PRIM2: variants seen among roughly 807,000 people sequenced by gnomAD.
PRIM2 encodes DNA primase large subunit.
A neutral mutation model predicts 67.3 loss-of-function variants in PRIM2; 39 were observed. That is an observed-to-expected ratio of 0.58 (90% confidence interval 0.45 to 0.76). The LOEUF (loss-of-function observed/expected upper bound fraction) is 0.76, where lower values mean the gene tolerates loss of function less well. Ranked by LOEUF, PRIM2 falls within the 30% of genes least tolerant of loss-of-function variation. PRIM2 has a pLI of 0.00. For synonymous variants in PRIM2, 143 were observed against 198.7 expected, an observed-to-expected ratio of 0.72 and a Z score of 2.36; for missense variants, 398 against 598.7, an observed-to-expected ratio of 0.66 and a Z score of 3.50.
intron 10 of PRIM2, among the ~76,000 whole-genome samples, chr6:57,543,546 C>A (rs1775222171): frequency 2.0e-5 from 3 of 152,176 alleles, no homozygotes; most frequent in Admixed American, 1.3e-4. Flanking sequence ...TTAGCCAGTA[C>A]TTTTGAGTCA....
At chr6:57,390,533 C>T (rs2127346837) in intron 7 of PRIM2, among the ~76,000 whole-genome samples, 1 of 152,178 alleles carries the variant, frequency 6.6e-6, no homozygotes, top group African/African-American at 2.4e-5. Context: ...TGCTCCTCTC[C>T]TTCCTCCCAA....
At chr6:57,278,136 G>A in the PRIM2 span, among the ~76,000 whole-genome samples, 2 of 151,812 alleles carry the variant, frequency 1.3e-5, no homozygotes, top group African/African-American at 4.8e-5. Flanking sequence ...AGACCATCCT[G>A]GCCAACATGG....
the PRIM2 span, among the ~76,000 whole-genome samples, chr6:57,233,552 C>T: frequency 2.6e-5 from 4 of 152,052 alleles, no homozygotes; most frequent in Non-Finnish European, 5.9e-5. Context: ...CTGTTCCACT[C>T]CTAGGGGTAA....
At chr6:57,578,388 A>G (rs1776001094) in intron 10 of PRIM2, among the ~76,000 whole-genome samples, 2 of 152,100 alleles carry the variant, frequency 1.3e-5, no homozygotes, top group Admixed American at 6.5e-5. Context: ...CTTGCCTGCA[A>G]GTATCATCAC....
chr6:57,582,388 C>G (rs1479106820), intron 10 of PRIM2, among the ~76,000 whole-genome samples: 1 of 152,102 alleles, frequency 6.6e-6, no homozygotes, highest in African/African-American at 2.4e-5. Flanking sequence ...AGTTCCTTGT[C>G]GTGTCCTCAA....
At chr6:57,515,683 C>T (rs1774472888) in intron 8 of PRIM2, among the ~76,000 whole-genome samples, 1 of 152,148 alleles carries the variant, frequency 6.6e-6, no homozygotes, top group African/African-American at 2.4e-5. Flanking sequence ...TATACATTCC[C>T]TGATATTTAG....
At chr6:57,485,070 G>C (rs1773723579) in intron 7 of PRIM2, among the ~76,000 whole-genome samples, 3 of 152,228 alleles carry the variant, frequency 2.0e-5, no homozygotes, top group African/African-American at 4.8e-5. Context: ...AGTTACGATG[G>C]AGCCATTATT....
intron 8 of PRIM2, among the ~76,000 whole-genome samples, chr6:57,530,569 A>G (rs1774865297): frequency 6.6e-6 from 1 of 152,124 alleles, no homozygotes; most frequent in Non-Finnish European, 1.5e-5. Flanking sequence ...AATTGCCTTC[A>G]CTCAATAATC....
chr6:57,579,024 T>G (rs1483022565), intron 10 of PRIM2, among the ~76,000 whole-genome samples: 2 of 152,170 alleles, frequency 1.3e-5, no homozygotes, highest in Admixed American at 1.3e-4. Flanking sequence ...CACAAGATGC[T>G]TCAGACTCAT....
chr6:57,374,583 C>T (rs1200924611), intron 5 of PRIM2, among the ~76,000 whole-genome samples: 10 of 147,984 alleles, frequency 6.8e-5, no homozygotes, highest in East Asian at 2.1e-4. Context: ...TGAGCCACCG[C>T]GCCCGGCCTT....
At chr6:57,642,439 T>A in intron 13 of PRIM2, among the ~76,000 whole-genome samples, 1 of 95,322 alleles carries the variant, frequency 1.0e-5, no homozygotes, top group Non-Finnish European at 2.3e-5. Flanking sequence ...TTATATCTTT[T>A]TTTTTTTTTT....
chr6:57,279,358 C>G, the PRIM2 span, among the ~76,000 whole-genome samples: 4 of 152,142 alleles, frequency 2.6e-5, no homozygotes, highest in African/African-American at 9.7e-5. Flanking sequence ...TTTCAATTCT[C>G]ATATGGAGTA....
At chr6:57,425,140 A>T (rs1406007266) in intron 7 of PRIM2, among the ~76,000 whole-genome samples, 2 of 152,182 alleles carry the variant, frequency 1.3e-5, no homozygotes, top group Non-Finnish European at 2.9e-5. Flanking sequence ...AGTTTTTATT[A>T]TGCAGCGTGT....
the PRIM2 span, among the ~76,000 whole-genome samples, chr6:57,263,201 C>T: frequency 1.1e-4 from 16 of 152,130 alleles, no homozygotes; most frequent in African/African-American, 2.7e-4. Flanking sequence ...GGCCCTAATC[C>T]CAGTAGGATG....
chr6:57,451,638 G>A (rs1772553955), intron 7 of PRIM2, among the ~76,000 whole-genome samples: 1 of 152,134 alleles, frequency 6.6e-6, no homozygotes, highest in Admixed American at 6.5e-5. Flanking sequence ...CCCGAAAGCT[G>A]TAGCAGTGAA....
At chr6:57,270,693 C>G in the PRIM2 span, among the ~76,000 whole-genome samples, 1 of 152,180 alleles carries the variant, frequency 6.6e-6, no homozygotes, top group African/African-American at 2.4e-5. Context: ...AGAGGGCATC[C>G]CTGTCTTGTG....
intron 8 of PRIM2, among the ~76,000 whole-genome samples, chr6:57,519,018 A>G (rs1182865197): frequency 6.6e-6 from 1 of 152,208 alleles, no homozygotes; most frequent in Admixed American, 6.5e-5. Flanking sequence ...GGGAGACATC[A>G]CATGTCAGTA....
rs1188663889 is a variant in PRIM2 at position 57,547,817 on chromosome 6, C to T, written c.1020+10192C>T. ...CTGTTTTCTTCCAGAATCTAGCTTG[C>T]GTCAAGACTAAGAACAAACTTGTGT... On this transcript the variant is annotated intron_variant, in intron 10 of 13. Coordinates refer to ENST00000615550, the MANE Select transcript of PRIM2 (RefSeq NM_000947.5). Among the ~76,000 whole-genome samples, 6 of 152,156 alleles carry T rather than the reference C, an allele frequency of 3.9e-5. No homozygotes were observed. In the East Asian group the frequency reaches 9.6e-4, roughly 24 times the overall value.
At chr6:57,614,335 G>T (rs1776716831) in intron 12 of PRIM2, among the ~76,000 whole-genome samples, 1 of 152,130 alleles carries the variant, frequency 6.6e-6, no homozygotes, top group Non-Finnish European at 1.5e-5. Flanking sequence ...CTGGTCCCTG[G>T]TTCCAAAAAG....
Sources: allele counts gnomAD v4.1 joint callset (sites outside exome capture counted in the v4.1 genomes callset), GRCh38; gene constraint gnomAD v4.1.1; transcripts MANE v1.5; gene names NCBI Gene and HGNC (gene_info 2026-07-23, HGNC 2026-07-21).